Variants in UBR3 observed in about 807,000 individuals in gnomAD.
UBR3 encodes E3 ubiquitin-protein ligase UBR3.
Under a neutral mutation model 243.2 loss-of-function variants are expected in UBR3, and 85 were observed. The ratio of observed to expected loss-of-function variants is 0.35; its 90% CI spans 0.29 to 0.42. The LOEUF is 0.42. UBR3 is among the 10% of genes least tolerant of loss of function. UBR3 has a pLI of 1.00. For missense variants in UBR3, 1,686 were observed against 2,300.8 expected, an observed-to-expected ratio of 0.73 and a Z score of 5.47; for synonymous variants, 748 against 799.8, an observed-to-expected ratio of 0.94 and a Z score of 1.09.
chr2:169,940,778 C>T (rs1190941046), intron 19 of UBR3, among the ~76,000 whole-genome samples: 1 of 152,178 alleles, frequency 6.6e-6, no homozygotes. Flanking sequence ...CCCCTCTTAT[C>T]TGTGGTTTAG....
In UBR3 at chr2:170,040,878, T is replaced by A. The variant is rs1000517441; in HGVS notation, c.4557-4T>A. On this transcript the variant is annotated splice_region_variant and splice_polypyrimidine_tract_variant and intron_variant, in intron 31 of 38. Transcript: ENST00000272793. ...TATGTAAAGTGACTACATTTTTCTTTTAGGCTGGGATATGAAGAACAACAG... is the reference window on the plus strand; with the variant it reads ...TATGTAAAGTGACTACATTTTTCTTATAGGCTGGGATATGAAGAACAACAG... 1 of 1,611,972 alleles carries A rather than the reference T, an allele frequency of 6.2e-7. No homozygotes were observed. The highest frequency in any genetic ancestry group is 8.5e-7 in the Non-Finnish European group (1 of 1,178,736).
chr2:169,929,430 G>T (rs1009462020), intron 18 of UBR3, among the ~76,000 whole-genome samples: 6 of 152,066 alleles, frequency 3.9e-5, no homozygotes, highest in Admixed American at 6.6e-5. Flanking sequence ...AAAAAAATTA[G>T]TCAGGCATGG....
chr2:169,986,857 T>C (rs2105388314), intron 25 of UBR3, 63 bp downstream of exon 25: 1 of 1,526,062 alleles, frequency 6.6e-7, no homozygotes, highest in Non-Finnish European at 9.0e-7. Flanking sequence ...AACAGATTAA[T>C]AAATATCTGT....
chr2:169,897,936 A>T (rs952604987), intron 8 of UBR3, among the ~76,000 whole-genome samples: 1 of 152,176 alleles, frequency 6.6e-6, no homozygotes, highest in Non-Finnish European at 1.5e-5. Flanking sequence ...AGATGAGTAC[A>T]TTGAGGCTTA....
At chr2:169,863,431 C>T (rs1271636057) in intron 1 of UBR3, among the ~76,000 whole-genome samples, 1 of 152,096 alleles carries the variant, frequency 6.6e-6, no homozygotes, top group East Asian at 1.9e-4. Flanking sequence ...GTCATTTTGT[C>T]TAGTATTTTT....
At chr2:169,828,270 C>T (rs2081811661) in intron 1 of UBR3, among the ~76,000 whole-genome samples, 1 of 151,848 alleles carries the variant, frequency 6.6e-6, no homozygotes, top group Non-Finnish European at 1.5e-5. Flanking sequence ...TTTAGGAAAC[C>T]GGGCTGTGAA....
At chr2:169,948,782 T>A (rs1443339974) in intron 22 of UBR3, among the ~76,000 whole-genome samples, 1 of 151,992 alleles carries the variant, frequency 6.6e-6, no homozygotes, top group Non-Finnish European at 1.5e-5. Context: ...TGCTCGCTTT[T>A]AAAAAATAAA....
chr2:170,032,122 A>G (rs2090689138), intron 31 of UBR3, among the ~76,000 whole-genome samples: 1 of 152,148 alleles, frequency 6.6e-6, no homozygotes, highest in South Asian at 2.1e-4. Context: ...AAAAAGTGAA[A>G]TTCTTTGTTT....
At chr2:169,955,731 T>A (rs2087251246) in intron 23 of UBR3, among the ~76,000 whole-genome samples, 1 of 144,184 alleles carries the variant, frequency 6.9e-6, no homozygotes, top group Non-Finnish European at 1.5e-5. Context: ...GAGGCAGAGG[T>A]TGCAGTGACC....
In UBR3 at chr2:170,026,529, A is replaced by T. The variant is rs868175419; in HGVS notation, c.4454-2817A>T. Among the ~76,000 whole-genome samples the T allele has an allele frequency of 2.6e-5, 4 of 152,210 alleles. No homozygotes were observed. In the Middle Eastern group the frequency reaches 0.014, roughly 518 times the overall value. On this transcript the variant is annotated intron_variant, in intron 30 of 38. Coordinates refer to ENST00000272793, the MANE Select transcript of UBR3 (RefSeq NM_172070.4). Reference sequence around the variant, plus strand: ...AAACTAAGGTTAGGTAATTTGTTTAAAGACACATGGCTAGTACAGACTTGG... The same window carrying T: ...AAACTAAGGTTAGGTAATTTGTTTATAGACACATGGCTAGTACAGACTTGG...
intron 32 of UBR3, among the ~76,000 whole-genome samples, chr2:170,053,882 A>G (rs2091277385): frequency 6.6e-6 from 1 of 152,208 alleles, no homozygotes; most frequent in Admixed American, 6.5e-5. Flanking sequence ...TATGGATTCA[A>G]GTTCAGACCT....
intron 11 of UBR3, 148 bp from the exon 12 acceptor site, chr2:169,923,781 T>G: frequency 1.4e-6 from 1 of 718,506 alleles, no homozygotes; most frequent in Admixed American, 3.5e-5. Flanking sequence ...CTATAGTGAT[T>G]TTGGAATCTG....
chr2:169,829,836 C>T (rs1325052366), intron 1 of UBR3, among the ~76,000 whole-genome samples: 3 of 150,610 alleles, frequency 2.0e-5, no homozygotes, highest in Admixed American at 6.6e-5. Flanking sequence ...CACACACACA[C>T]ACACACACAC....
intron 32 of UBR3, among the ~76,000 whole-genome samples, chr2:170,045,216 C>T (rs903070737): frequency 2.0e-5 from 3 of 152,144 alleles, no homozygotes; most frequent in African/African-American, 7.2e-5. Context: ...AAAGGGGTTT[C>T]CCTGCATGAA....
rs141693797 is a variant in UBR3 at position 169,891,130 on chromosome 2, T to G, written c.1039-35T>G. On this transcript the variant is annotated intron_variant, in intron 5 of 38. Transcript: ENST00000272793. ...TATAAAGTGTATCAATTTATGAATG[T>G]GACTGTGTATAATGCTAATATTATT... 3 of 1,481,444 alleles carry G rather than the reference T, an allele frequency of 2.0e-6. No homozygotes were observed. The African/African-American group carries it at 4.2e-5, about 21-fold the overall frequency. 91.8% of individuals were successfully genotyped at this position (1,481,444 alleles called of 1,614,324 possible).
At chr2:169,922,241 G>A (rs941881679) in intron 11 of UBR3, among the ~76,000 whole-genome samples, 3 of 149,626 alleles carry the variant, frequency 2.0e-5, no homozygotes, top group Non-Finnish European at 4.4e-5. Context: ...AACTGTGATC[G>A]TGCCACCATA....
At position 170,033,585 on chromosome 2, in the gene UBR3, C is replaced by G. The variant is rs1172697126; in HGVS notation, c.4556+4137C>G. Reference sequence around the variant, plus strand: ...TTGATTGGTTTTTCCACACCCACCCCCCCCCCCCCCAATATTTGCTCTCAT... The same window carrying G: ...TTGATTGGTTTTTCCACACCCACCCGCCCCCCCCCCAATATTTGCTCTCAT... On this transcript the variant is annotated intron_variant, in intron 31 of 38. Coordinates refer to ENST00000272793, the MANE Select transcript of UBR3 (RefSeq NM_172070.4). Among the ~76,000 whole-genome samples, 8 of 111,604 alleles carry G rather than the reference C, an allele frequency of 7.2e-5. No homozygotes were observed. In the East Asian group the frequency reaches 9.7e-4, roughly 14 times the overall value. 73.2% of individuals were successfully genotyped at this position (111,604 alleles called of 152,430 possible). A position where few individuals can be genotyped will look rare whatever the true frequency, so the allele number is the denominator to read the frequency against.
intron 35 of UBR3, among the ~76,000 whole-genome samples, chr2:170,066,031 C>T (rs766443361): frequency 3.3e-5 from 5 of 150,598 alleles, no homozygotes; most frequent in African/African-American, 4.9e-5. Context: ...TTCTATGTGT[C>T]GCTAAAATGT....
chr2:169,832,324 G>A (rs1429401802), intron 1 of UBR3, among the ~76,000 whole-genome samples: 1 of 152,072 alleles, frequency 6.6e-6, no homozygotes, highest in Non-Finnish European at 1.5e-5. Context: ...GCCGAGGTGG[G>A]CAGATCACGA....
Sources: allele counts gnomAD v4.1 joint callset (sites outside exome capture counted in the v4.1 genomes callset), GRCh38; gene constraint gnomAD v4.1.1; transcripts MANE v1.5; gene names NCBI Gene and HGNC (gene_info 2026-07-23, HGNC 2026-07-21).